The following PCDHGA12 variants were observed in gnomAD, a reference collection of about 807,000 sequenced individuals.
The protein encoded by PCDHGA12 is protocadherin gamma-A12.
In PCDHGA12, 43 loss-of-function variants were observed where a neutral mutation model predicts 61.1. The observed-to-expected ratio is 0.70, with a 90% confidence interval of 0.55 to 0.91. The LOEUF (loss-of-function observed/expected upper bound fraction) is 0.91. Among genes scored for constraint, PCDHGA12 ranks in the 40% least tolerant of loss-of-function variants. The pLI is 0.00. For missense variants in PCDHGA12, 1,236 were observed against 1,227.7 expected, an observed-to-expected ratio of 1.01 and a Z score of -0.10; for synonymous variants, 520 against 542.9, an observed-to-expected ratio of 0.96 and a Z score of 0.59.
At chr5:141,436,991 T>G (rs1016670604) in intron 1 of PCDHGA12, among the ~76,000 whole-genome samples, 2 of 152,238 alleles carry the variant, frequency 1.3e-5, no homozygotes, top group African/African-American at 4.8e-5. Flanking sequence ...AGAAGCAGTT[T>G]ACTTCAATGG....
intron 2 of PCDHGA12, among the ~76,000 whole-genome samples, chr5:141,501,290 TACACACACACACACACACACACAC>T (rs55762287): frequency 7.3e-6 from 1 of 136,162 alleles, no homozygotes; most frequent in African/African-American, 2.7e-5. Flanking sequence ...TATTCCCTTA[TACACACACACACACACACACACAC>T]ACACACACAC....
chr5:141,458,168 A>G (rs1287422935), intron 1 of PCDHGA12, among the ~76,000 whole-genome samples: 1 of 152,254 alleles, frequency 6.6e-6, no homozygotes. Context: ...TGTTCACAGT[A>G]GTATACCTTA....
intron 1 of PCDHGA12, among the ~76,000 whole-genome samples, chr5:141,475,518 T>C (rs963473660): frequency 1.3e-5 from 2 of 152,356 alleles, no homozygotes; most frequent in East Asian, 1.9e-4. Flanking sequence ...TCCACGGAAA[T>C]GCTAAATGCC....
intron 1 of PCDHGA12, among the ~76,000 whole-genome samples, chr5:141,442,967 G>T (rs553833025): frequency 1.3e-5 from 2 of 152,220 alleles, no homozygotes; most frequent in African/African-American, 2.4e-5. Context: ...AGACATTCTG[G>T]CTGATAAAGT....
chr5:141,469,962 C>T (rs943032320), intron 1 of PCDHGA12, among the ~76,000 whole-genome samples: 8 of 152,134 alleles, frequency 5.3e-5, no homozygotes, highest in African/African-American at 1.9e-4. Flanking sequence ...GAAACCCCAT[C>T]TGTACCAAAA....
intron 2 of PCDHGA12, among the ~76,000 whole-genome samples, chr5:141,502,857 ACT>A (rs1332453483): frequency 7.7e-5 from 7 of 91,446 alleles, no homozygotes; most frequent in African/African-American, 4.1e-4. Flanking sequence ...CCTAACCCTG[ACT>A]CTCTGTCTTT....
chr5:141,490,482 G>A lies in PCDHGA12; in HGVS notation c.2425-4325G>A. On this transcript the variant is annotated intron_variant, in intron 1 of 3. Coordinates refer to ENST00000252085, the MANE Select transcript of PCDHGA12 (RefSeq NM_003735.3). The surrounding 1 kb of genome is among the most constrained non-coding windows in gnomAD (Gnocchi z 5.4). ...TGCTAACCAGCCAGCCTTTGGACCG[G>A]GAGGCCACATCCCACTATATCATCG... 2.5e-6 allele frequency: 4 copies of A among 1,614,154 alleles called. No homozygotes were observed. In the South Asian group the frequency reaches 4.4e-5, roughly 18 times the overall value.
Position 141,486,407 on chromosome 5 carries a change from C to T in PCDHGA12, c.2425-8400C>T. The T allele has an allele frequency of 6.2e-7, 1 of 1,614,134 alleles. No individual in the cohort carries two copies. Among genetic ancestry groups the T allele is most frequent in the African/African-American group, 1.3e-5 (1 of 75,046 alleles). ...CCAGTTCTCCCTGGTGACTGCTGGA[C>T]CCTTGGATCGAGAGGCCAAATCTAG... On this transcript the variant is annotated intron_variant, in intron 1 of 3. Coordinates refer to ENST00000252085, the MANE Select transcript of PCDHGA12 (RefSeq NM_003735.3). This position sits in a 1 kb window ranked among gnomAD's most constrained non-coding sequence, Gnocchi z 5.0.
In PCDHGA12 at chr5:141,432,877, C is replaced by T. The variant is rs375043811; in HGVS notation, c.2118C>T (p.Ala706=). 108 of 1,614,082 alleles carry T rather than the reference C, an allele frequency of 6.7e-5. No homozygotes were observed. Among genetic ancestry groups the T allele is most frequent in the Non-Finnish European group, 7.6e-5 (90 of 1,180,018 alleles). The change falls in exon 1 of 4, where the codon GCC becomes GCT. Residue 706 remains alanine (A), a synonymous_variant. Coordinates refer to ENST00000252085, the MANE Select transcript of PCDHGA12 (RefSeq NM_003735.3). The surrounding 1 kb of genome is among the most constrained non-coding windows in gnomAD (Gnocchi z 6.0). ...AVAAVSCVFL[A]FVILLLALRL... is the part of the protein sequence containing the mutation. Reference sequence around the variant, plus strand: ...CCGCGGTCTCCTGCGTCTTCCTGGCCTTCGTCATCTTGCTGCTGGCGCTCA... The same window carrying T: ...CCGCGGTCTCCTGCGTCTTCCTGGCTTTCGTCATCTTGCTGCTGGCGCTCA...
chr5:141,482,470 C>T (rs768383368), intron 1 of PCDHGA12, among the ~76,000 whole-genome samples: 8 of 137,876 alleles, frequency 5.8e-5, no homozygotes, highest in Non-Finnish European at 1.2e-4. Flanking sequence ...ATGTGCCAGA[C>T]ACTGTAAACA....
At chr5:141,488,331 T>C (rs535498873) in intron 1 of PCDHGA12, among the ~76,000 whole-genome samples, 22 of 152,218 alleles carry the variant, frequency 1.4e-4, no homozygotes, top group Non-Finnish European at 3.1e-4. Context: ...TACAGTTGGC[T>C]GATTCATAGA....
At position 141,430,830 on chromosome 5, in the gene PCDHGA12, G is replaced by A. The variant is rs754181300; in HGVS notation, c.71G>A (p.Trp24Ter). The part of the protein sequence containing the change: ...VLLGILLGTL[W>*]ETGCTQIRYS... The stretch of plus-strand genomic sequence containing the variant: ...CTGGGAATCCTCCTGGGGACTCTGT[G>A]GGAGACCGGATGCACCCAGATACGC... The change falls in exon 1 of 4, where the codon TGG (tryptophan) becomes TAG (stop). Residue 24 changes from tryptophan (W) to a stop codon, truncating the protein, a stop_gained. Coordinates refer to ENST00000252085, the MANE Select transcript of PCDHGA12 (RefSeq NM_003735.3). LOFTEE classifies it high-confidence loss of function. 8 of 1,554,850 alleles carry A rather than the reference G, an allele frequency of 5.1e-6. No homozygotes were observed. The East Asian group carries it at 1.6e-4, about 31-fold the overall frequency.
intron 1 of PCDHGA12, chr5:141,440,868 T>G (rs1288344051): frequency 3.9e-5 from 6 of 152,150 alleles, no homozygotes; most frequent in Non-Finnish European, 1.5e-5. Context: ...ATCTAGGATG[T>G]GTACAGCGTC....
chr5:141,492,720 A>G (rs1161942205), intron 1 of PCDHGA12, among the ~76,000 whole-genome samples: 1 of 152,256 alleles, frequency 6.6e-6, no homozygotes, highest in East Asian at 1.9e-4. Context: ...GCAGGCGGAC[A>G]GGCAGAGCTG....
rs1415142555 is a variant in PCDHGA12, at chr5:141,476,011, A to G, written c.2425-18796A>G. The G allele has an allele frequency of 7.6e-7, 1 of 1,311,282 alleles. No individual in the cohort carries two copies. The highest frequency in any genetic ancestry group is 1.0e-6 in the Non-Finnish European group (1 of 962,238). 81.2% of individuals were successfully genotyped at this position (1,311,282 alleles called of 1,614,324 possible). ...GCAAATCAACGGCATCCAGAAAGCC[A>G]TGTCGGACTCGGCGCCCAGCGCCCA... On this transcript the variant is annotated intron_variant, in intron 1 of 3. Coordinates refer to ENST00000252085, the MANE Select transcript of PCDHGA12 (RefSeq NM_003735.3). This position sits in a 1 kb window ranked among gnomAD's most constrained non-coding sequence, Gnocchi z 7.6.
In PCDHGA12 at chr5:141,493,164, T is replaced by C. The variant is rs558860783; in HGVS notation, c.2425-1643T>C. Among the ~76,000 whole-genome samples the C allele has an allele frequency of 4.6e-5, 7 of 152,340 alleles. 1 individual carries two copies. The South Asian group carries it at 1.2e-3, about 27-fold the overall frequency. On this transcript the variant is annotated intron_variant, in intron 1 of 3. Coordinates refer to ENST00000252085, the MANE Select transcript of PCDHGA12 (RefSeq NM_003735.3). The surrounding 1 kb of genome is among the most constrained non-coding windows in gnomAD (Gnocchi z 4.3). Reference sequence around the variant, plus strand: ...ACCCCCAGGTGATTTTGATAGCTGATTGAGAGAAACTTACTATATAACTCC... The same window carrying C: ...ACCCCCAGGTGATTTTGATAGCTGACTGAGAGAAACTTACTATATAACTCC...
rs201409669 is a variant in PCDHGA12 at position 141,490,703 on chromosome 5, G to A, written c.2425-4104G>A. The stretch of plus-strand genomic sequence containing the variant: ...GATCCAGACACTGGGGATAATGCCC[G>A]CCTCACCTACTCCATTGTAGGAAAT... On this transcript the variant is annotated intron_variant, in intron 1 of 3. Coordinates refer to ENST00000252085, the MANE Select transcript of PCDHGA12 (RefSeq NM_003735.3). This position sits in a 1 kb window ranked among gnomAD's most constrained non-coding sequence, Gnocchi z 5.4. 2.6e-4 allele frequency: 421 copies of A among 1,614,106 alleles called. No homozygotes were observed. Among genetic ancestry groups the A allele is most frequent in the Middle Eastern group, 6.6e-4 (4 of 6,062 alleles).
chr5:141,477,212 C>T lies in PCDHGA12; in HGVS notation c.2425-17595C>T, dbSNP rs1488282405. On this transcript the variant is annotated intron_variant, in intron 1 of 3. Coordinates refer to ENST00000252085, the MANE Select transcript of PCDHGA12 (RefSeq NM_003735.3). This position sits in a 1 kb window ranked among gnomAD's most constrained non-coding sequence, Gnocchi z 4.9. ...GTACAGCCCAGTACCCGAGGATGCC[C>T]CTCTGGGGACTGTCATCGCTTTGCT... 11 of 1,614,048 alleles carry T rather than the reference C, an allele frequency of 6.8e-6. No individual in the cohort carries two copies. The highest frequency in any genetic ancestry group is 1.3e-5 in the African/African-American group (1 of 74,918).
intron 1 of PCDHGA12, among the ~76,000 whole-genome samples, chr5:141,492,118 TC>T (rs1338861093): frequency 6.6e-6 from 1 of 152,176 alleles, no homozygotes; most frequent in Non-Finnish European, 1.5e-5. Flanking sequence ...CTTCGATTTC[TC>T]CCCAGCTCCC....
Sources: allele counts gnomAD v4.1 joint callset (sites outside exome capture counted in the v4.1 genomes callset), GRCh38; gene constraint gnomAD v4.1.1; non-coding constraint Gnocchi (gnomAD v3.1); transcripts MANE v1.5; gene names NCBI Gene and HGNC (gene_info 2026-07-23, HGNC 2026-07-21).